The following KDR variants were observed in gnomAD, a reference collection of about 807,000 sequenced individuals.
KDR encodes the protein vascular endothelial growth factor receptor 2.
In KDR, 43 loss-of-function variants were observed where a neutral mutation model predicts 160.9. That is an observed-to-expected ratio of 0.27 (90% CI 0.21 to 0.34). KDR has a LOEUF of 0.34. Among genes scored for constraint, KDR ranks in the 10% least tolerant of loss-of-function variants. KDR has a pLI of 1.00. For missense variants in KDR, 1,469 were observed against 1,666.4 expected, an observed-to-expected ratio of 0.88 and a Z score of 2.06; for synonymous variants, 617 against 600.1, an observed-to-expected ratio of 1.03 and a Z score of -0.41.
rs900205228 is a variant in KDR at position 55,098,564 on chromosome 4, C to T, written c.2373+133G>A. On this transcript the variant is annotated intron_variant, in intron 16 of 29. Coordinates refer to ENST00000263923, the MANE Select transcript of KDR (RefSeq NM_002253.4). ...CCAGCCAAAAGAAAGTGGGCAGGAACGTTATTGTATTGAAATAAAAATGTG... is the reference window on the plus strand; with the variant it reads ...CCAGCCAAAAGAAAGTGGGCAGGAATGTTATTGTATTGAAATAAAAATGTG... 3.2e-5 allele frequency: 25 copies of T among 772,766 alleles called. 1 individual carries two copies. The Admixed American group carries it at 3.9e-4, about 12-fold the overall frequency. The allele number at this position is 772,766 out of a possible 1,614,324, so 47.9% of individuals were successfully genotyped here. A position where few individuals can be genotyped will look rare whatever the true frequency, so the allele number is the denominator to read the frequency against.
intron 2 of KDR, among the ~76,000 whole-genome samples, 194 bp downstream of exon 2, chr4:55,120,903 C>A (rs569253845): frequency 1.1e-4 from 17 of 151,840 alleles, no homozygotes; most frequent in Non-Finnish European, 2.5e-4. Flanking sequence ...TATAAAAACA[C>A]CAGCAAAATT....
chr4:55,103,715 G>A (rs1720369444), intron 13 of KDR, among the ~76,000 whole-genome samples: 1 of 152,002 alleles, frequency 6.6e-6, no homozygotes, highest in Non-Finnish European at 1.5e-5. Context: ...GGCCTCTGAT[G>A]AAGACGTTAC....
intron 6 of KDR, 47 bp downstream of exon 6, chr4:55,114,079 T>A: frequency 6.2e-7 from 1 of 1,610,862 alleles, no homozygotes; most frequent in East Asian, 2.2e-5. Flanking sequence ...TCACTGGGGC[T>A]TATTATCTAA....
intron 1 of KDR, among the ~76,000 whole-genome samples, chr4:55,124,874 T>A (rs915217657): frequency 2.0e-5 from 3 of 152,110 alleles, no homozygotes; most frequent in Non-Finnish European, 4.4e-5. Flanking sequence ...TTTCACCGCC[T>A]GTTCTCGCCT....
chr4:55,098,994 T>TATTG (rs1720239770), intron 15 of KDR, among the ~76,000 whole-genome samples, 191 bp from the exon 16 acceptor site: 4 of 136,306 alleles, frequency 2.9e-5, no homozygotes, highest in South Asian at 4.3e-4. Flanking sequence ...TTTATTTATT[T>TATTG]ATTTATTTAT....
chr4:55,100,563 C>T (rs1720283577), intron 15 of KDR, among the ~76,000 whole-genome samples: 1 of 152,134 alleles, frequency 6.6e-6, no homozygotes, highest in African/African-American at 2.4e-5. Context: ...TAATGCAGAG[C>T]ATCAGAGACA....
In KDR at chr4:55,080,096, G is replaced by A. The variant is rs1351872119; in HGVS notation, c.3916C>T (p.Gln1306Ter). The part of the protein sequence containing the change: ...SEGSNQTSGY[Q>*]SGYHSDDTDT... ...GTGTCATCGGAGTGATATCCGGACT[G>A]GTAGCCGCTTGTCTGGTTTGAGCCT... The change falls in exon 30 of 30, where the codon CAG becomes TAG. Residue 1306 changes from glutamine (Q) to a stop codon, truncating the protein, a stop_gained. Coordinates refer to ENST00000263923, the MANE Select transcript of KDR (RefSeq NM_002253.4). LOFTEE classifies it high-confidence loss of function. 6.2e-7 allele frequency: 1 copy of A among 1,613,958 alleles called. No homozygotes were observed. The highest frequency in any genetic ancestry group is 1.3e-5 in the African/African-American group (1 of 74,918).
intron 27 of KDR, among the ~76,000 whole-genome samples, chr4:55,084,680 A>G (rs1259238336): frequency 6.6e-6 from 1 of 152,224 alleles, no homozygotes; most frequent in Non-Finnish European, 1.5e-5. Context: ...CAGACACTAA[A>G]GCCCATGTGA....
chr4:55,106,780 A>G lies in KDR; in HGVS notation c.1443T>C (p.Pro481=), dbSNP rs1367622510. 6.2e-7 allele frequency: 1 copy of G among 1,604,618 alleles called. No homozygotes were observed. The highest frequency in any genetic ancestry group is 2.2e-5 in the East Asian group (1 of 44,774). ...SQAVSVTNPY[P]CEEWRSVEDF... ...CCTCCACACTTCTCCATTCTTCACAAGGGTATGGGTTTGTCACTGAGACAG... is the reference window on the plus strand; with the variant it reads ...CCTCCACACTTCTCCATTCTTCACAGGGGTATGGGTTTGTCACTGAGACAG... The change falls in exon 11 of 30, where the codon CCT becomes CCC. Residue 481 remains proline (P), a synonymous_variant. Transcript: ENST00000263923.
intron 22 of KDR, among the ~76,000 whole-genome samples, chr4:55,091,941 T>C (rs1278881174): frequency 6.6e-6 from 1 of 152,240 alleles, no homozygotes; most frequent in Non-Finnish European, 1.5e-5. Context: ...TTTCTAATTT[T>C]AGCTCTTTTA....
intron 27 of KDR, among the ~76,000 whole-genome samples, chr4:55,085,160 A>G (rs1188723707): frequency 6.6e-6 from 1 of 152,186 alleles, no homozygotes; most frequent in Non-Finnish European, 1.5e-5. Flanking sequence ...ACTGCCCTCA[A>G]AGAAAGATGA....
At chr4:55,086,431 T>C (rs1719864001) in intron 27 of KDR, among the ~76,000 whole-genome samples, 1 of 152,150 alleles carries the variant, frequency 6.6e-6, no homozygotes, top group African/African-American at 2.4e-5. Flanking sequence ...GTCCTACTCA[T>C]TTCTATCTGA....
chr4:55,115,181 T>C, intron 4 of KDR, 100 bp downstream of exon 4: 1 of 1,264,952 alleles, frequency 7.9e-7, no homozygotes, highest in Non-Finnish European at 1.1e-6. Context: ...TCCTAAAGGA[T>C]CCTTAAAACT....
intron 19 of KDR, 113 bp downstream of exon 19, chr4:55,096,116 C>T: frequency 1.5e-6 from 1 of 688,856 alleles, no homozygotes; most frequent in Non-Finnish European, 2.6e-6. Flanking sequence ...TAGGAATCCG[C>T]AAAGTATTCT....
At chr4:55,087,915 A>G (rs1371142446) in intron 26 of KDR, among the ~76,000 whole-genome samples, 157 bp from the exon 27 acceptor site, 1 of 152,260 alleles carries the variant, frequency 6.6e-6, no homozygotes, top group Non-Finnish European at 1.5e-5. Context: ...ATCATGTGTC[A>G]GAAACAAAAA....
chr4:55,085,510 C>A (rs764703897), intron 27 of KDR, among the ~76,000 whole-genome samples: 4 of 152,206 alleles, frequency 2.6e-5, no homozygotes, highest in African/African-American at 4.8e-5. Flanking sequence ...CCAGCCTCAA[C>A]TCATTCTCCC....
At position 55,078,518 on chromosome 4, in the gene KDR, A is replaced by G. The variant is rs965709474; in HGVS notation, c.*1423T>C. The G allele has an allele frequency of 5.6e-5, 13 of 232,594 alleles. No homozygotes were observed. Among genetic ancestry groups the G allele is most frequent in the African/African-American group, 2.2e-4 (10 of 45,432 alleles). The allele number at this position is 232,594 out of a possible 1,614,324, so 14.4% of individuals were successfully genotyped here. ...AATGTTCTTTAATAAAATGACATCA[A>G]TTGCTGAAAGCATTATGACCTTTGT... On this transcript the variant is annotated 3_prime_UTR_variant, in exon 30 of 30. Transcript: ENST00000263923.
intron 3 of KDR, among the ~76,000 whole-genome samples, chr4:55,117,011 T>G (rs1021587540): frequency 2.0e-5 from 3 of 149,158 alleles, no homozygotes; most frequent in Non-Finnish European, 4.5e-5. Context: ...CAATAAACAG[T>G]GCTAGGGATT....
chr4:55,092,907 G>A (rs975551685), intron 21 of KDR, among the ~76,000 whole-genome samples, 193 bp from the exon 22 acceptor site: 3 of 152,094 alleles, frequency 2.0e-5, no homozygotes, highest in Admixed American at 6.5e-5. Flanking sequence ...TACCCCCTTA[G>A]GAACAATACT....
Sources: allele counts gnomAD v4.1 joint callset (sites outside exome capture counted in the v4.1 genomes callset), GRCh38; gene constraint gnomAD v4.1.1; transcripts MANE v1.5; gene names NCBI Gene and HGNC (gene_info 2026-07-23, HGNC 2026-07-21).